The following LRRC9 variants were observed in gnomAD, a reference collection of about 807,000 sequenced individuals.
LRRC9 encodes the protein leucine rich repeat containing 9.
In LRRC9, 122 loss-of-function variants were observed where a neutral mutation model predicts 63.2. The observed-to-expected ratio is 1.93, with a 90% CI of 1.67 to 2.24. The LOEUF (loss-of-function observed/expected upper bound fraction) is 2.24, where lower values mean the gene tolerates loss of function less well. Ranked by LOEUF, LRRC9 falls within the 30% of genes most tolerant of loss-of-function variation. The pLI, the probability that LRRC9 is intolerant of heterozygous loss-of-function variation, is 0.00. For synonymous variants in LRRC9, 366 were observed against 213.1 expected (o/e 1.72, Z -6.25); for missense variants, 1,071 against 627.7 (o/e 1.71, Z -7.55).
At chr14:60,050,104 C>A (rs1034462429) in intron 29 of LRRC9, among the ~76,000 whole-genome samples, 2 of 145,904 alleles carry the variant, frequency 1.4e-5, no homozygotes, top group Non-Finnish European at 3.1e-5. Context: ...TCAAGTGATT[C>A]TCCTGCCTCA....
intron 12 of LRRC9, among the ~76,000 whole-genome samples, chr14:59,972,566 C>G (rs1885643960): frequency 6.6e-6 from 1 of 152,056 alleles, no homozygotes; most frequent in Non-Finnish European, 1.5e-5. Context: ...TGATTCCCCC[C>G]ACCACCCCAA....
In LRRC9 at chr14:59,993,997, C is replaced by T. The variant is rs569869769; in HGVS notation, c.2212-3659C>T. Among the ~76,000 whole-genome samples the T allele has an allele frequency of 2.0e-5, 3 of 152,188 alleles. No individual in the cohort carries two copies. The East Asian group carries it at 5.8e-4, about 29-fold the overall frequency. ...ATCTACAGAACTCTCCACCCCAAAT[C>T]AACAGAATATACATTCTTCTCAGCA... On this transcript the variant is annotated intron_variant, in intron 17 of 31. Coordinates refer to ENST00000445360, the Ensembl canonical transcript of LRRC9.
intron 23 of LRRC9, among the ~76,000 whole-genome samples, chr14:60,014,108 A>G (rs1890483681): frequency 1.3e-5 from 2 of 151,992 alleles, no homozygotes; most frequent in Admixed American, 6.6e-5. Context: ...TTGTTCTATT[A>G]CAATGCATAT....
At chr14:59,933,221 C>T (rs915782360) in intron 6 of LRRC9, among the ~76,000 whole-genome samples, 1 of 152,270 alleles carries the variant, frequency 6.6e-6, no homozygotes, top group African/African-American at 2.4e-5. Context: ...CCTCCCCAAC[C>T]TGCAGCACTC....
At chr14:59,974,705 C>T in exon 13 of LRRC9, 1 of 652,848 alleles carries the variant, frequency 1.5e-6, no homozygotes, top group East Asian at 2.8e-5. Flanking sequence ...GCTCTTCAGA[C>T]ATGGTAAATA....
chr14:59,975,133 A>G (rs1159647428), intron 13 of LRRC9, among the ~76,000 whole-genome samples: 2 of 11,552 alleles, frequency 1.7e-4, no homozygotes, highest in Admixed American at 1.7e-3. Context: ...ATATGTATAT[A>G]TATATACATA....
At position 60,003,984 on chromosome 14, in the gene LRRC9, T is replaced by C. The variant is rs1239536577; in HGVS notation, c.2842+186T>C. Among the ~76,000 whole-genome samples, 1 of 152,188 alleles carries C rather than the reference T, an allele frequency of 6.6e-6. No individual in the cohort carries two copies. The highest frequency in any genetic ancestry group is 1.5e-5 in the Non-Finnish European group (1 of 68,008). On this transcript the variant is annotated intron_variant, in intron 21 of 31. Coordinates refer to ENST00000445360, the Ensembl canonical transcript of LRRC9. This position sits in a 1 kb window ranked among gnomAD's most constrained non-coding sequence, Gnocchi z 4.2. ...ATTAGTTAGCTAGATTGGACCATTC[T>C]ACAATGTATATATATACTTCAAAAC...
At chr14:59,978,495 T>C (rs1179165250) in intron 15 of LRRC9, among the ~76,000 whole-genome samples, 1 of 152,208 alleles carries the variant, frequency 6.6e-6, no homozygotes, top group Non-Finnish European at 1.5e-5. Context: ...TTCAATCCTT[T>C]TTCTACACAT....
intron 15 of LRRC9, among the ~76,000 whole-genome samples, chr14:59,978,445 T>C (rs1350855872): frequency 1.3e-5 from 2 of 152,200 alleles, no homozygotes; most frequent in Non-Finnish European, 2.9e-5. Context: ...CCATTCTCTT[T>C]CACCAGGGAA....
intron 12 of LRRC9, among the ~76,000 whole-genome samples, chr14:59,967,565 C>T (rs1441479510): frequency 6.6e-6 from 1 of 152,196 alleles, no homozygotes; most frequent in Non-Finnish European, 1.5e-5. Context: ...AGTCACTTAA[C>T]TCCACTGTAC....
intron 8 of LRRC9, among the ~76,000 whole-genome samples, chr14:59,946,615 C>T (rs910254002): frequency 8.2e-5 from 12 of 145,554 alleles, no homozygotes; most frequent in Non-Finnish European, 1.5e-4. Flanking sequence ...ACTAACTCGT[C>T]ATCTAGCATT....
intron 26 of LRRC9, among the ~76,000 whole-genome samples, chr14:60,022,255 T>G (rs1388048343): frequency 6.6e-6 from 1 of 151,872 alleles, no homozygotes; most frequent in African/African-American, 2.4e-5. Context: ...TTATACTTTG[T>G]GAAAAGAATT....
At chr14:59,944,635 C>A in exon 8 of LRRC9, 1 of 658,380 alleles carries the variant, frequency 1.5e-6, no homozygotes, top group Non-Finnish European at 2.7e-6. Flanking sequence ...CGTATAAAAA[C>A]TCTTCAGAGG....
intron 29 of LRRC9, among the ~76,000 whole-genome samples, chr14:60,041,190 C>G (rs774373261): frequency 3.3e-5 from 5 of 152,128 alleles, no homozygotes; most frequent in Non-Finnish European, 5.9e-5. Context: ...CTACCCTTAA[C>G]ATTTTTTCCT....
intron 23 of LRRC9, among the ~76,000 whole-genome samples, chr14:60,011,518 C>T (rs1890259012): frequency 6.6e-6 from 1 of 152,184 alleles, no homozygotes; most frequent in African/African-American, 2.4e-5. Context: ...CCTATAGGAT[C>T]TTACAGTCTT....
chr14:59,938,285 G>T lies in LRRC9; in HGVS notation c.544-105G>T. 2.0e-6 allele frequency: 1 copy of T among 492,818 alleles called. No individual in the cohort carries two copies. Among genetic ancestry groups the T allele is most frequent in the Non-Finnish European group, 3.6e-6 (1 of 279,990 alleles). The allele number at this position is 492,818 out of a possible 1,614,324, so 30.5% of individuals were successfully genotyped here. On this transcript the variant is annotated intron_variant, in intron 6 of 31. Transcript: ENST00000445360. The surrounding 1 kb of genome is among the most constrained non-coding windows in gnomAD (Gnocchi z 4.2). ...CTAAATCACTTTAATGTATTTAAGC[G>T]CATAATTAGAATGCATTAGACTATG...
chr14:60,051,024 CCT>C lies in LRRC9; in HGVS notation c.3991-2040_3991-2039del, dbSNP rs1257975236. Reference sequence around the variant, plus strand: ...CACCTGTAGGAGGTGTCTGGAGACCCCTGTTAAGAGTTCTCACCCAGTCAGGA... The same window carrying C: ...CACCTGTAGGAGGTGTCTGGAGACCCGTTAAGAGTTCTCACCCAGTCAGGA... On this transcript the variant is annotated intron_variant, in intron 29 of 31. Coordinates refer to ENST00000445360, the Ensembl canonical transcript of LRRC9. The surrounding 1 kb of genome is among the most constrained non-coding windows in gnomAD (Gnocchi z 4.7). 1.3e-5 allele frequency among the ~76,000 whole-genome samples: 2 copies of C among 152,140 alleles called. No individual in the cohort carries two copies. The highest frequency in any genetic ancestry group is 4.8e-5 in the African/African-American group (2 of 41,420).
At chr14:59,965,775 C>T (rs1464345111) in intron 10 of LRRC9, among the ~76,000 whole-genome samples, 4 of 150,112 alleles carry the variant, frequency 2.7e-5, no homozygotes, top group Admixed American at 2.0e-4. Context: ...CCCAGCTACT[C>T]GGGAAGCTGA....
Position 60,053,381 on chromosome 14 carries a change from G to GCACACACACA in LRRC9, c.4131+177_4131+178insACACACACAC, listed in dbSNP as rs1167051629. On this transcript the variant is annotated intron_variant, in intron 30 of 31. Transcript: ENST00000445360. The surrounding 1 kb of genome is among the most constrained non-coding windows in gnomAD (Gnocchi z 4.8). Reference sequence around the variant, plus strand: ...TGGATTTGGTGAATAGAGCATGCGTGCTCACACACACACACACACACACAC... The same window carrying GCACACACACA: ...TGGATTTGGTGAATAGAGCATGCGTGCACACACACACTCACACACACACACACACACACAC... Among the ~76,000 whole-genome samples the GCACACACACA allele has an allele frequency of 1.4e-5, 1 of 73,206 alleles. No individual in the cohort carries two copies. The highest frequency in any genetic ancestry group is 4.9e-5 in the African/African-American group (1 of 20,256). The allele number at this position is 73,206 out of a possible 152,430, so 48.0% of individuals were successfully genotyped here. A position where few individuals can be genotyped will look rare whatever the true frequency, so the allele number is the denominator to read the frequency against.
Sources: gnomAD v4.1 joint callset for allele counts (sites outside exome capture counted in the v4.1 genomes callset) on GRCh38, gnomAD v4.1.1 for gene constraint, Gnocchi (gnomAD v3.1) non-coding constraint, MANE v1.5 for transcripts, NCBI Gene and HGNC (gene_info 2026-07-23, HGNC 2026-07-21) for gene names.